The following GINS4 variants were observed in gnomAD, a reference collection of about 807,000 sequenced individuals.
The protein encoded by GINS4 is DNA replication complex GINS protein SLD5.
In GINS4, 20 loss-of-function variants were observed where a neutral mutation model predicts 31.1. The ratio of observed to expected loss-of-function variants is 0.64; its 90% CI spans 0.45 to 0.93. The LOEUF (loss-of-function observed/expected upper bound fraction) is 0.93. Ranked by LOEUF, GINS4 falls within the 40% of genes least tolerant of loss-of-function variation. The pLI is 0.00. For synonymous variants in GINS4, 85 were observed against 97.9 expected, an observed-to-expected ratio of 0.87 and a Z score of 0.78; for missense variants, 245 against 273.9, an observed-to-expected ratio of 0.89 and a Z score of 0.75.
At chr8:41,538,020 CA>C (rs372573867) in intron 4 of GINS4, 1,264 of 87,902 alleles carry the variant, frequency 0.014, 6 homozygotes, top group African/African-American at 0.015. Flanking sequence ...GACTCCGCCT[CA>C]AAAAAAAAAA....
rs1468372155 is a variant in GINS4 at position 41,529,338 on chromosome 8, A to G, written c.-78A>G. 1.3e-5 allele frequency: 2 copies of G among 152,860 alleles called. No individual in the cohort carries two copies. The highest frequency in any genetic ancestry group is 4.8e-5 in the African/African-American group (2 of 41,414). 9.5% of individuals were successfully genotyped at this position (152,860 alleles called of 1,614,324 possible). On this transcript the variant is annotated 5_prime_UTR_variant, in exon 1 of 8. Transcript: ENST00000276533. ...CTGGTGCCCCGACTGCGTCCCCACG[A>G]ACGCCCCGTCCTTACCGCCGGCTGC... is the stretch of plus-strand genomic sequence containing the variant.
Position 41,534,018 on chromosome 8 carries a change from A to G in GINS4, c.97-2342A>G, listed in dbSNP as rs145444548. 1.7e-3 allele frequency: 273 copies of G among 159,210 alleles called. 1 individual carries two copies. The Middle Eastern group carries it at 0.019, about 11-fold the overall frequency. 9.9% of individuals were successfully genotyped at this position (159,210 alleles called of 1,614,324 possible). On this transcript the variant is annotated intron_variant, in intron 2 of 7. Coordinates refer to ENST00000276533, the MANE Select transcript of GINS4 (RefSeq NM_032336.3). ...TTTAAAGACCTCCATCTCCAAATAC[A>G]GTCACGGTCTGAGGTCCTGGAAGTT...
At position 41,541,862 on chromosome 8, in the gene GINS4, G is replaced by T. The variant is rs1295111780; in HGVS notation, c.538G>T (p.Glu180Ter). 5 of 1,614,070 alleles carry T rather than the reference G, an allele frequency of 3.1e-6. No individual in the cohort carries two copies. Among genetic ancestry groups the T allele is most frequent in the Non-Finnish European group, 4.2e-6 (5 of 1,180,018 alleles). Reference sequence around the variant, plus strand: ...GTTTCTGAGAGTGAGAGAACGACAAGAAAACATACTGGTAGAACCAGACAC... The same window carrying T: ...GTTTCTGAGAGTGAGAGAACGACAATAAAACATACTGGTAGAACCAGACAC... ...YVFLRVRERQENILVEPDTDE... is the reference protein window; with the variant it reads ...YVFLRVRERQ The change falls in exon 7 of 8, where the codon GAA (glutamate) becomes TAA (stop). Residue 180 changes from glutamate (E) to a stop codon, truncating the protein, a stop_gained. Coordinates refer to ENST00000276533, the MANE Select transcript of GINS4 (RefSeq NM_032336.3). LOFTEE classifies it high-confidence loss of function.
chr8:41,535,449 T>TTTTG (rs1051827832), intron 2 of GINS4, among the ~76,000 whole-genome samples: 4 of 152,198 alleles, frequency 2.6e-5, no homozygotes, highest in African/African-American at 9.7e-5. Context: ...TGCAGGTTTT[T>TTTTG]TTTGTTTGTT....
intron 4 of GINS4, 185 bp downstream of exon 4, chr8:41,537,478 A>G: frequency 1.8e-6 from 1 of 557,622 alleles, no homozygotes; most frequent in Non-Finnish European, 3.2e-6. Context: ...GCACAGAGGA[A>G]CGTGTGTGGC....
intron 2 of GINS4, 54 bp from the exon 3 acceptor site, chr8:41,536,306 G>T (rs1459375382): frequency 5.6e-6 from 6 of 1,077,956 alleles, no homozygotes; most frequent in African/African-American, 1.5e-5. Flanking sequence ...GACTCACTGG[G>T]TTGTTTAGCT....
chr8:41,535,565 A>T (rs1806728276), intron 2 of GINS4, among the ~76,000 whole-genome samples: 1 of 152,148 alleles, frequency 6.6e-6, no homozygotes, highest in African/African-American at 2.4e-5. Flanking sequence ...GATCATGGGG[A>T]GAAGCAGACA....
At chr8:41,537,406 T>G in intron 4 of GINS4, 113 bp downstream of exon 4, 1 of 678,416 alleles carries the variant, frequency 1.5e-6, no homozygotes, top group Non-Finnish European at 2.6e-6. Context: ...CTGAAGATGC[T>G]GCTAAGAGCC....
intron 2 of GINS4, among the ~76,000 whole-genome samples, chr8:41,530,821 C>T (rs1806638236): frequency 6.6e-6 from 1 of 152,176 alleles, no homozygotes; most frequent in African/African-American, 2.4e-5. Context: ...GCATATTTCC[C>T]ATGTGCCAGT....
In GINS4 at chr8:41,541,826, G is replaced by T; in HGVS notation, c.502G>T (p.Asp168Tyr). The change falls in exon 7 of 8, where the codon GAT becomes TAT. Residue 168 changes from aspartate to tyrosine, a missense_variant. Asp to Tyr is a radical substitution (Grantham distance 160). Transcript: ENST00000276533. ...LFRAVPKPDL[D>Y]SYVFLRVRER... The stretch of plus-strand genomic sequence containing the variant: ...CCTGGCAGTTCCCAAACCAGATCTA[G>T]ATTCTTACGTGTTTCTGAGAGTGAG... The T allele has an allele frequency of 6.2e-7, 1 of 1,614,048 alleles. No homozygotes were observed. The highest frequency in any genetic ancestry group is 8.5e-7 in the Non-Finnish European group (1 of 1,179,926).
chr8:41,539,557 T>TA, intron 4 of GINS4, 121 bp from the exon 5 acceptor site: 1 of 732,184 alleles, frequency 1.4e-6, no homozygotes, highest in Non-Finnish European at 2.4e-6. Context: ...ACCCACCCTA[T>TA]CCCACCTCCA....
rs779799341 is a variant in GINS4 at position 41,541,904 on chromosome 8, G to A, written c.575+5G>A. Reference sequence around the variant, plus strand: ...ACCAGACACAGATGAGCAGAGGTGAGTGGCGTGCATCTTTCACAGTGGGCA... The same window carrying A: ...ACCAGACACAGATGAGCAGAGGTGAATGGCGTGCATCTTTCACAGTGGGCA... On this transcript the variant is annotated splice_donor_5th_base_variant and intron_variant, in intron 7 of 7. Coordinates refer to ENST00000276533, the MANE Select transcript of GINS4 (RefSeq NM_032336.3). 31 of 1,613,686 alleles carry A rather than the reference G, an allele frequency of 1.9e-5. No individual in the cohort carries two copies. Among genetic ancestry groups the A allele is most frequent in the African/African-American group, 4.0e-5 (3 of 74,950 alleles).
intron 4 of GINS4, 38 bp downstream of exon 4, chr8:41,537,331 C>G (rs1312086814): frequency 2.1e-6 from 3 of 1,422,992 alleles, no homozygotes. Context: ...TGAGACAGCA[C>G]AGTCTGTAAT....
rs556258098 is a variant in GINS4 at position 41,538,455 on chromosome 8, G to A, written c.297+1162G>A. 2.6e-5 allele frequency among the ~76,000 whole-genome samples: 4 copies of A among 152,254 alleles called. No individual in the cohort carries two copies. The South Asian group carries it at 8.3e-4, about 32-fold the overall frequency. On this transcript the variant is annotated intron_variant, in intron 4 of 7. Coordinates refer to ENST00000276533, the MANE Select transcript of GINS4 (RefSeq NM_032336.3). ...TAGCATATTGACAGGTACGCTGCCT[G>A]AGCTCATTCTTCACTCACGTGGACA...
chr8:41,538,405 C>CATCACATTAGCATATTT (rs533038196), intron 4 of GINS4, among the ~76,000 whole-genome samples: 3 of 151,984 alleles, frequency 2.0e-5, no homozygotes, highest in African/African-American at 7.3e-5. Flanking sequence ...ATGCCAACCA[C>CATCACATTAGCATATTT]ATCACATTAG....
intron 5 of GINS4, 55 bp from the exon 6 acceptor site, chr8:41,539,861 C>T: frequency 1.3e-6 from 2 of 1,588,938 alleles, no homozygotes; most frequent in Admixed American, 1.7e-5. Flanking sequence ...TGCCTGCTAA[C>T]CTTGGACGTC....
chr8:41,530,615 C>G (rs1806634951), intron 2 of GINS4, among the ~76,000 whole-genome samples: 1 of 152,172 alleles, frequency 6.6e-6, no homozygotes, highest in African/African-American at 2.4e-5. Flanking sequence ...ACCTTAGTCC[C>G]TTGAACATCT....
rs1426426979 is a variant in GINS4 at position 41,543,871 on chromosome 8, AATTTTTTGT to A, written c.*1791_*1799del. On this transcript the variant is annotated 3_prime_UTR_variant, in exon 8 of 8. Transcript: ENST00000276533. The stretch of plus-strand genomic sequence containing the variant: ...TAGGTGCACACCACCACACCCAACT[AATTTTTTGT>A]ATTTTTAGTAGAGATGGGGTTTCAT... 1.3e-5 allele frequency: 2 copies of A among 151,710 alleles called. No individual in the cohort carries two copies. Among genetic ancestry groups the A allele is most frequent in the African/African-American group, 4.9e-5 (2 of 41,232 alleles). 9.4% of individuals were successfully genotyped at this position (151,710 alleles called of 1,614,324 possible). A position where few individuals can be genotyped will look rare whatever the true frequency, so the allele number is the denominator to read the frequency against.
At chr8:41,530,682 A>G (rs1266334824) in intron 2 of GINS4, among the ~76,000 whole-genome samples, 1 of 152,186 alleles carries the variant, frequency 6.6e-6, no homozygotes, top group Non-Finnish European at 1.5e-5. Context: ...CCTGTAAGGG[A>G]AAACTGGTCA....
Sources: allele counts gnomAD v4.1 joint callset (sites outside exome capture counted in the v4.1 genomes callset), GRCh38; gene constraint gnomAD v4.1.1; transcripts MANE v1.5; gene names NCBI Gene and HGNC (gene_info 2026-07-23, HGNC 2026-07-21).